TTC34: variants seen among roughly 807,000 people sequenced by gnomAD.
TTC34 encodes tetratricopeptide repeat protein 34.
A neutral mutation model predicts 40.7 loss-of-function variants in TTC34; 44 were observed. That is an observed-to-expected ratio of 1.08 (90% CI 0.85 to 1.39). The LOEUF (loss-of-function observed/expected upper bound fraction) is 1.39, where lower values mean the gene tolerates loss of function less well. TTC34 is among the 40% of genes most tolerant of loss of function. The probability of loss-of-function intolerance (pLI) is 0.00; values close to 1 mark genes in which losing one functional copy is unlikely to be tolerated. For synonymous variants in TTC34, 422 were observed against 398.6 expected (o/e 1.06, Z -0.70); for missense variants, 884 against 838.0 (o/e 1.05, Z -0.68).
Position 2,755,715 on chromosome 1 carries a change from C to A in TTC34, c.2226+27894G>T, listed in dbSNP as rs1641481242. Among the ~76,000 whole-genome samples the A allele has an allele frequency of 1.1e-4, 4 of 35,894 alleles. 1 individual carries two copies. Among genetic ancestry groups the A allele is most frequent in the Non-Finnish European group, 2.1e-4 (4 of 18,908 alleles). 23.5% of individuals were successfully genotyped at this position (35,894 alleles called of 152,430 possible). The stretch of plus-strand genomic sequence containing the variant: ...GCAGCACCCCAAACCCACAGGTGAG[C>A]ATCCGACAGCCTGGAGCAGCACCCA... On this transcript the variant is annotated intron_variant, in intron 6 of 8. Transcript: ENST00000401095.
intron 6 of TTC34, among the ~76,000 whole-genome samples, chr1:2,681,155 C>G (rs1383250411): frequency 1.1e-4 from 13 of 120,240 alleles, no homozygotes; most frequent in African/African-American, 4.5e-4. Flanking sequence ...CCAAGGTGAG[C>G]ATCTGACAAC....
intron 6 of TTC34, among the ~76,000 whole-genome samples, chr1:2,756,683 GAA>G (rs1641517882): frequency 4.8e-4 from 1 of 2,080 alleles, no homozygotes; most frequent in Non-Finnish European, 8.3e-4. Context: ...GTGAGCAGCT[GAA>G]ATCCTGGAAC....
chr1:2,777,533 C>A (rs970919380), intron 6 of TTC34, among the ~76,000 whole-genome samples: 8 of 152,326 alleles, frequency 5.3e-5, no homozygotes, highest in Admixed American at 1.3e-4. Context: ...GGAAGAAGCA[C>A]CCCTGCATGT....
In TTC34 at chr1:2,751,997, G is replaced by A. The variant is rs1211651232; in HGVS notation, c.2226+31612C>T. Among the ~76,000 whole-genome samples the A allele has an allele frequency of 3.9e-5, 4 of 103,104 alleles. 1 individual carries two copies. Among genetic ancestry groups the A allele is most frequent in the East Asian group, 3.7e-4 (1 of 2,688 alleles). 67.6% of individuals were successfully genotyped at this position (103,104 alleles called of 152,430 possible). On this transcript the variant is annotated intron_variant, in intron 6 of 8. Transcript: ENST00000401095. ...CCAGGCGAGCATTTGACAGCCTGGA[G>A]CAGTGCCCACACACCCAGCTGAGCA...
intron 6 of TTC34, among the ~76,000 whole-genome samples, chr1:2,782,291 A>G (rs929839740): frequency 6.6e-6 from 1 of 152,134 alleles, no homozygotes; most frequent in East Asian, 1.9e-4. Flanking sequence ...TTGGTTTACA[A>G]TTGTTCCTAT....
chr1:2,786,052 G>T, intron 4 of TTC34, 29 bp from the exon 5 acceptor site: 1 of 1,441,898 alleles, frequency 6.9e-7, no homozygotes, highest in Non-Finnish European at 9.2e-7. Context: ...CACTGCCCAT[G>T]CCCTTGGGAC....
chr1:2,750,691 A>T (rs1641289173), intron 6 of TTC34, among the ~76,000 whole-genome samples: 1 of 80,360 alleles, frequency 1.2e-5, no homozygotes, highest in African/African-American at 4.9e-5. Context: ...CTGCACCCCC[A>T]AGTGAGCATC....
intron 6 of TTC34, among the ~76,000 whole-genome samples, chr1:2,688,565 C>G (rs1341197317): frequency 5.5e-5 from 8 of 145,184 alleles, no homozygotes; most frequent in African/African-American, 8.4e-5. Context: ...GGAGCAGCAC[C>G]CACACCTTCC....
intron 4 of TTC34, 58 bp from the exon 5 acceptor site, chr1:2,786,081 C>A: frequency 1.5e-6 from 2 of 1,356,648 alleles, no homozygotes; most frequent in Non-Finnish European, 1.9e-6. Flanking sequence ...TGGAGCCCAC[C>A]CTGTACTGAC....
rs1284094379 is a variant in TTC34, at chr1:2,759,227, G to A, written c.2226+24382C>T. Among the ~76,000 whole-genome samples, 73 of 93,854 alleles carry A rather than the reference G, an allele frequency of 7.8e-4. 2 individuals carry two copies. The highest frequency in any genetic ancestry group is 1.6e-3 in the African/African-American group (33 of 20,356). The allele number at this position is 93,854 out of a possible 152,430, so 61.6% of individuals were successfully genotyped here. A position where few individuals can be genotyped will look rare whatever the true frequency, so the allele number is the denominator to read the frequency against. On this transcript the variant is annotated intron_variant, in intron 6 of 8. Coordinates refer to ENST00000401095, the Ensembl canonical transcript of TTC34. ...GGTAAGCATCTGACAGCCTGAAACA[G>A]CACCCTGCACCCCCGGTGCGCACGT...
exon 9 of TTC34, chr1:2,641,716 G>C: frequency 6.5e-7 from 1 of 1,535,534 alleles, no homozygotes; most frequent in East Asian, 2.4e-5. Context: ...GCGCCTCCTG[G>C]AGCACATGGT....
intron 6 of TTC34, among the ~76,000 whole-genome samples, chr1:2,748,237 CA>C: frequency 1.3e-5 from 1 of 75,322 alleles, no homozygotes; most frequent in Non-Finnish European, 2.3e-5. Context: ...ACAGCACCCA[CA>C]ACCACAGGTG....
intron 2 of TTC34, 43 bp downstream of exon 2, chr1:2,800,001 C>T (rs1643754667): frequency 5.0e-6 from 2 of 397,974 alleles, no homozygotes; most frequent in Non-Finnish European, 8.9e-6. Context: ...GTGGCGGGGG[C>T]AGCTTTCACC....
At chr1:2,694,813 C>T (rs1439850704) in intron 6 of TTC34, among the ~76,000 whole-genome samples, 3 of 84,902 alleles carry the variant, frequency 3.5e-5, no homozygotes, top group East Asian at 2.9e-4. Flanking sequence ...CATCTGACAG[C>T]CTGGAACGAC....
chr1:2,649,656 C>T (rs866035798), intron 6 of TTC34, among the ~76,000 whole-genome samples: 9 of 152,226 alleles, frequency 5.9e-5, no homozygotes, highest in Non-Finnish European at 7.3e-5. Flanking sequence ...TCTCCTGCCT[C>T]AGCCTCCTGA....
intron 3 of TTC34, among the ~76,000 whole-genome samples, chr1:2,787,915 G>C (rs1643613359): frequency 6.6e-6 from 1 of 152,362 alleles, no homozygotes; most frequent in South Asian, 2.1e-4. Context: ...CTCCTACCCT[G>C]TGGGAGGTGG....
intron 6 of TTC34, among the ~76,000 whole-genome samples, chr1:2,756,780 TCCACACCCCCAGGTGAACATCCGACAGC>T (rs1641521784): frequency 9.9e-5 from 2 of 20,288 alleles, no homozygotes; most frequent in Non-Finnish European, 1.7e-4. Flanking sequence ...TGGAACAGCA[TCCACACCCCCAGGTGAACATCCGACAGC>T]CTGGAGCAGA....
intron 6 of TTC34, among the ~76,000 whole-genome samples, chr1:2,685,764 G>C (rs1640307734): frequency 6.7e-6 from 1 of 148,872 alleles, no homozygotes; most frequent in Non-Finnish European, 1.5e-5. Context: ...CACACCCACA[G>C]GTGAGCATCT....
intron 6 of TTC34, among the ~76,000 whole-genome samples, chr1:2,695,734 A>G (rs61765759): frequency 1.3e-4 from 2 of 15,348 alleles, no homozygotes; most frequent in African/African-American, 2.7e-4. Flanking sequence ...GAGCAGCTGA[A>G]ATCCTGGAAC....
Sources: allele counts gnomAD v4.1 joint callset (sites outside exome capture counted in the v4.1 genomes callset), GRCh38; gene constraint gnomAD v4.1.1; transcripts MANE v1.5; gene names NCBI Gene and HGNC (gene_info 2026-07-23, HGNC 2026-07-21).